ETV1: variants seen among roughly 807,000 people sequenced by gnomAD.
ETV1 encodes ETS variant transcription factor 1.
ETV1 carries 27 observed loss-of-function variants against 62.3 expected under a neutral mutation model. The observed-to-expected ratio is 0.43, with a 90% CI of 0.32 to 0.60. The LOEUF (loss-of-function observed/expected upper bound fraction) is 0.60, where lower values mean the gene tolerates loss of function less well. Among genes scored for constraint, ETV1 ranks in the 20% least tolerant of loss-of-function variants. The probability of loss-of-function intolerance (pLI) is 0.06; values close to 1 mark genes in which losing one functional copy is unlikely to be tolerated. For missense variants in ETV1, 605 were observed against 605.8 expected (o/e 1.00, Z 0.01); for synonymous variants, 222 against 199.6 (o/e 1.11, Z -0.94).
intron 13 of ETV1, among the ~76,000 whole-genome samples, chr7:13,899,277 G>T (rs967308215): frequency 6.6e-6 from 1 of 152,330 alleles, no homozygotes. Flanking sequence ...AATTAGAAAT[G>T]ACCCCAGGGT....
chr7:13,906,390 A>T, intron 12 of ETV1, 40 bp downstream of exon 12: 1 of 1,344,868 alleles, frequency 7.4e-7, no homozygotes, highest in South Asian at 1.7e-5. Flanking sequence ...TTTATGTTAT[A>T]ACATGTCTGA....
upstream of ETV1, chr7:13,989,873 C>T (rs1441767125): frequency 5.8e-6 from 2 of 347,744 alleles, no homozygotes; most frequent in African/African-American, 2.1e-5. Flanking sequence ...GCTGGGTCCT[C>T]AGCCTGGAAG....
intron 11 of ETV1, among the ~76,000 whole-genome samples, chr7:13,909,044 T>C (rs1783276752): frequency 6.6e-6 from 1 of 151,012 alleles, no homozygotes; most frequent in African/African-American, 2.4e-5. Context: ...TGCATTGCAA[T>C]AGCAAGTGAT....
At chr7:13,970,311 CACACACACACACACAA>C (rs1445498098) in intron 6 of ETV1, among the ~76,000 whole-genome samples, 2 of 114,292 alleles carry the variant, frequency 1.7e-5, no homozygotes, top group Non-Finnish European at 3.9e-5. Flanking sequence ...CACACACACA[CACACACACACACACAA>C]AGCAGCAACT....
chr7:13,960,334 G>C (rs900372781), intron 6 of ETV1, among the ~76,000 whole-genome samples: 1 of 151,952 alleles, frequency 6.6e-6, no homozygotes, highest in Non-Finnish European at 1.5e-5. Context: ...AAAGTCCTCT[G>C]CCCTAAAAAC....
intron 6 of ETV1, among the ~76,000 whole-genome samples, chr7:13,956,628 A>C (rs1327118736): frequency 3.3e-5 from 5 of 152,242 alleles, no homozygotes; most frequent in Non-Finnish European, 5.9e-5. Context: ...TACAGGTGTT[A>C]TTGGAAATAG....
chr7:13,932,044 C>CACA (rs1562638299), intron 8 of ETV1, among the ~76,000 whole-genome samples: 132 of 148,058 alleles, frequency 8.9e-4, no homozygotes, highest in African/African-American at 3.2e-3. Flanking sequence ...TTTTACACAC[C>CACA]CACACACACA....
At chr7:13,971,468 A>G (rs1780897723) in intron 6 of ETV1, among the ~76,000 whole-genome samples, 1 of 152,218 alleles carries the variant, frequency 6.6e-6, no homozygotes, top group African/African-American at 2.4e-5. Context: ...GAAGTTTGCA[A>G]AAGATTTACT....
At chr7:13,955,116 C>A (rs1288128791) in intron 6 of ETV1, among the ~76,000 whole-genome samples, 2 of 152,080 alleles carry the variant, frequency 1.3e-5, no homozygotes, top group Non-Finnish European at 2.9e-5. Context: ...TTATTTGAAC[C>A]AACTACTAAT....
intron 9 of ETV1, among the ~76,000 whole-genome samples, chr7:13,921,096 G>C (rs1045544343): frequency 3.9e-5 from 6 of 152,168 alleles, no homozygotes; most frequent in Admixed American, 3.3e-4. Flanking sequence ...ATTCTTTAAA[G>C]TTCCCAAGTG....
chr7:13,964,787 T>G (rs1398595897), intron 6 of ETV1, among the ~76,000 whole-genome samples: 2 of 152,016 alleles, frequency 1.3e-5, no homozygotes, highest in African/African-American at 4.8e-5. Flanking sequence ...CACTAATGAG[T>G]GAAAGCATCC....
chr7:13,918,730 G>T (rs1360727937), intron 9 of ETV1, among the ~76,000 whole-genome samples: 12 of 151,482 alleles, frequency 7.9e-5, no homozygotes, highest in East Asian at 2.0e-4. Flanking sequence ...GTGGTGGGGT[G>T]GGGGGACGGG....
chr7:13,964,367 G>C (rs946183761), intron 6 of ETV1, among the ~76,000 whole-genome samples: 3 of 151,984 alleles, frequency 2.0e-5, no homozygotes, highest in African/African-American at 7.3e-5. Context: ...CTCTGCAGCT[G>C]GAAATAATTC....
At chr7:13,975,565 AAAAAAAAAAAAAAAGAAAAGAAAAG>A (rs1465927743) in intron 6 of ETV1, among the ~76,000 whole-genome samples, 1 of 137,158 alleles carries the variant, frequency 7.3e-6, no homozygotes, top group Non-Finnish European at 1.6e-5. Flanking sequence ...TCTGTCTCAA[AAAAAAAAAAAAAAAGAAAAGAAAAG>A]AAAAAAAAAA....
chr7:13,957,170 C>A (rs1789570529), intron 6 of ETV1, among the ~76,000 whole-genome samples: 2 of 152,082 alleles, frequency 1.3e-5, no homozygotes, highest in Non-Finnish European at 2.9e-5. Flanking sequence ...ACTCCAAGTT[C>A]CGCCTCCCAG....
intron 6 of ETV1, among the ~76,000 whole-genome samples, chr7:13,954,941 C>G (rs1789245975): frequency 6.6e-6 from 1 of 152,078 alleles, no homozygotes; most frequent in South Asian, 2.1e-4. Context: ...CAGTAAATGC[C>G]AATAAAACTT....
chr7:13,960,471 AT>A (rs1197704261), intron 6 of ETV1, among the ~76,000 whole-genome samples: 7 of 152,210 alleles, frequency 4.6e-5, no homozygotes, highest in African/African-American at 1.7e-4. Flanking sequence ...TCACCCATTT[AT>A]TTTCCCCTTT....
At chr7:13,921,545 T>C (rs1784851850) in intron 9 of ETV1, among the ~76,000 whole-genome samples, 1 of 152,198 alleles carries the variant, frequency 6.6e-6, no homozygotes, top group Middle Eastern at 3.2e-3. Flanking sequence ...AGTCCCTGTG[T>C]ATATCTCTAA....
At chr7:13,985,453 C>A (rs773117014) in intron 5 of ETV1, 1 of 152,046 alleles carries the variant, frequency 6.6e-6, no homozygotes, top group African/African-American at 2.4e-5. Flanking sequence ...CTTTGGAGAA[C>A]TAGACTATCA....
Sources: allele counts gnomAD v4.1 joint callset (sites outside exome capture counted in the v4.1 genomes callset), GRCh38; gene constraint gnomAD v4.1.1; transcripts MANE v1.5; gene names NCBI Gene and HGNC (gene_info 2026-07-23, HGNC 2026-07-21).